PADI2: variants seen among roughly 807,000 people sequenced by gnomAD.
The protein encoded by PADI2 is protein-arginine deiminase type-2.
PADI2 carries 70 observed loss-of-function variants against 81.1 expected under a neutral mutation model. That is an observed-to-expected ratio of 0.86 (90% CI 0.71 to 1.05). The LOEUF (loss-of-function observed/expected upper bound fraction) is 1.05, where lower values mean the gene tolerates loss of function less well. Among genes scored for constraint, PADI2 ranks in the 50% least tolerant of loss-of-function variants. The pLI is 0.00. For synonymous variants in PADI2, 338 were observed against 358.0 expected (o/e 0.94, Z 0.63); for missense variants, 853 against 889.9 (o/e 0.96, Z 0.53).
chr1:17,068,946 G>T lies in PADI2; in HGVS notation c.*98C>A. On this transcript the variant is annotated 3_prime_UTR_variant, in exon 16 of 16. Coordinates refer to ENST00000375486, the MANE Select transcript of PADI2 (RefSeq NM_007365.3). ...CACCCCACGTCCCAAAGGTCTCCCAGCGGGGCTGTCCAGTCCATGTCAGCA... is the reference window on the plus strand; with the variant it reads ...CACCCCACGTCCCAAAGGTCTCCCATCGGGGCTGTCCAGTCCATGTCAGCA... 1 of 941,288 alleles carries T rather than the reference G, an allele frequency of 1.1e-6. No individual in the cohort carries two copies. Among genetic ancestry groups the T allele is most frequent in the Non-Finnish European group, 1.7e-6 (1 of 582,398 alleles). The allele number at this position is 941,288 out of a possible 1,614,324, so 58.3% of individuals were successfully genotyped here.
At chr1:17,107,120 G>T (rs1931408680) in intron 1 of PADI2, among the ~76,000 whole-genome samples, 1 of 152,140 alleles carries the variant, frequency 6.6e-6, no homozygotes, top group African/African-American at 2.4e-5. Context: ...GGCCCAAGAG[G>T]GCTCAGAGGG....
At chr1:17,089,004 C>A (rs1192258376) in intron 6 of PADI2, among the ~76,000 whole-genome samples, 1 of 150,830 alleles carries the variant, frequency 6.6e-6, no homozygotes, top group East Asian at 1.9e-4. Flanking sequence ...GATAATGATA[C>A]CCACGCCACA....
At chr1:17,107,706 G>A (rs990077918) in intron 1 of PADI2, among the ~76,000 whole-genome samples, 3 of 152,218 alleles carry the variant, frequency 2.0e-5, no homozygotes, top group African/African-American at 7.2e-5. Flanking sequence ...GGCAGTGTCT[G>A]TCTGACCTGG....
At chr1:17,078,401 G>A (rs1423101033) in intron 11 of PADI2, among the ~76,000 whole-genome samples, 3 of 151,168 alleles carry the variant, frequency 2.0e-5, no homozygotes, top group Admixed American at 6.6e-5. Flanking sequence ...GTGAGCCACC[G>A]CACCAGGCCT....
intron 2 of PADI2, among the ~76,000 whole-genome samples, chr1:17,103,439 TG>T (rs1931225468): frequency 6.6e-6 from 1 of 152,146 alleles, no homozygotes; most frequent in Non-Finnish European, 1.5e-5. Context: ...ATGGGGCACA[TG>T]GTAAAGTTCA....
chr1:17,093,611 A>G lies in PADI2; in HGVS notation c.485T>C (p.Leu162Ser), dbSNP rs1930788926. The change falls in exon 5 of 16, where the codon TTG becomes TCG. Residue 162 changes from leucine to serine, a missense_variant. Leu to Ser is a moderately radical substitution (Grantham distance 145, BLOSUM62 -2). Coordinates refer to ENST00000375486, the MANE Select transcript of PADI2 (RefSeq NM_007365.3). ...CTCATCACGGCAGTCCTCCTTGGGCAACCAGGGTGTCTCTCGGTCACAGTT... is the reference window on the plus strand; with the variant it reads ...CTCATCACGGCAGTCCTCCTTGGGCGACCAGGGTGTCTCTCGGTCACAGTT... ...LVNCDRETPW[L>S]PKEDCRDEKV... 6.2e-7 allele frequency: 1 copy of G among 1,613,838 alleles called. No homozygotes were observed. Among genetic ancestry groups the G allele is most frequent in the South Asian group, 1.1e-5 (1 of 91,052 alleles).
chr1:17,100,466 G>T (rs1450469268), intron 3 of PADI2, among the ~76,000 whole-genome samples: 1 of 151,372 alleles, frequency 6.6e-6, no homozygotes, highest in Non-Finnish European at 1.5e-5. Context: ...TATATTTTTA[G>T]TAGAGACAGG....
rs2076598 is a variant in PADI2 at position 17,069,026 on chromosome 1, G to A, written c.*18C>T. 0.58 allele frequency: 917,835 copies of A among 1,588,350 alleles called. 269,022 individuals are homozygous for A. Among genetic ancestry groups the A allele is most frequent in the Non-Finnish European group, 0.61 (701,186 of 1,156,690 alleles). ...GGAGAACTAAGCGAAGGAGGCAAAC[G>A]CCAGGGCCCCTGGCAGGTCAGGGCA... On this transcript the variant is annotated 3_prime_UTR_variant, in exon 16 of 16. Transcript: ENST00000375486.
chr1:17,099,838 A>G (rs1931078550), intron 3 of PADI2, among the ~76,000 whole-genome samples: 1 of 152,250 alleles, frequency 6.6e-6, no homozygotes, highest in Non-Finnish European at 1.5e-5. Context: ...CGCATTTTAT[A>G]GATGAGGAAG....
chr1:17,106,685 C>G (rs927599224), intron 1 of PADI2, among the ~76,000 whole-genome samples: 1 of 152,086 alleles, frequency 6.6e-6, no homozygotes, highest in Non-Finnish European at 1.5e-5. Context: ...TCAGGTGATC[C>G]ACCCACCTCA....
chr1:17,086,754 G>A lies in PADI2; in HGVS notation c.656-55C>T, dbSNP rs528251560. 8 of 1,520,260 alleles carry A rather than the reference G, an allele frequency of 5.3e-6. No individual in the cohort carries two copies. The Admixed American group carries it at 5.3e-5, about 10-fold the overall frequency. 94.2% of individuals were successfully genotyped at this position (1,520,260 alleles called of 1,614,324 possible). Reference sequence around the variant, plus strand: ...CCACCCGCATCAGAAAGAGGTCGGTGGGGTGGGATCACCGATGGGGACAAA... The same window carrying A: ...CCACCCGCATCAGAAAGAGGTCGGTAGGGTGGGATCACCGATGGGGACAAA... On this transcript the variant is annotated intron_variant, in intron 6 of 15. Coordinates refer to ENST00000375486, the MANE Select transcript of PADI2 (RefSeq NM_007365.3).
At chr1:17,088,916 A>AG in intron 6 of PADI2, among the ~76,000 whole-genome samples, 1 of 135,158 alleles carries the variant, frequency 7.4e-6, no homozygotes, top group South Asian at 2.9e-4. Flanking sequence ...CAAAAAAAAA[A>AG]AAAAAAAAAA....
At chr1:17,090,581 T>TTTGTG (rs1553182497) in intron 6 of PADI2, among the ~76,000 whole-genome samples, 1 of 142,740 alleles carries the variant, frequency 7.0e-6, no homozygotes, top group Non-Finnish European at 1.5e-5. Context: ...CGTCCTTTGC[T>TTTGTG]TGTGTGTGTG....
chr1:17,108,430 G>A (rs567615177), intron 1 of PADI2, among the ~76,000 whole-genome samples: 61 of 152,102 alleles, frequency 4.0e-4, no homozygotes, highest in African/African-American at 1.2e-3. Context: ...CATAGCTCTC[G>A]TCTCTCACTC....
intron 6 of PADI2, among the ~76,000 whole-genome samples, chr1:17,090,050 G>C (rs913132610): frequency 1.3e-5 from 2 of 152,208 alleles, no homozygotes; most frequent in Non-Finnish European, 2.9e-5. Context: ...GTATAAAGAG[G>C]TAAGGCCCCA....
At chr1:17,096,449 T>C (rs188703652) in intron 3 of PADI2, among the ~76,000 whole-genome samples, 45 of 152,384 alleles carry the variant, frequency 3.0e-4, no homozygotes, top group African/African-American at 7.9e-4. Flanking sequence ...CGCATAGGTG[T>C]GCACATGTGC....
chr1:17,075,000 G>A, intron 12 of PADI2, 51 bp from the exon 13 acceptor site: 1 of 1,184,800 alleles, frequency 8.4e-7, no homozygotes, highest in Non-Finnish European at 1.2e-6. Flanking sequence ...AGGCACCCAA[G>A]GAGCACGGGG....
In PADI2 at chr1:17,086,667, G is replaced by C. The variant is rs765440795; in HGVS notation, c.688C>G (p.Leu230Val). The C allele has an allele frequency of 6.2e-7, 1 of 1,613,962 alleles. No homozygotes were observed. The highest frequency in any genetic ancestry group is 1.3e-5 in the African/African-American group (1 of 74,936). ...PFFGQRYIHI[L>V]GRRKLYHVVK... ...ACATGGTAGAGCTTCCGCCGGCCCA[G>C]GATGTGGATATAGCGTTGGCCGAAG... Residue 230 changes from leucine (L) to valine (V), a missense_variant, in exon 7 of 16, where the codon CTG becomes GTG. Physicochemically the swap from Leu to Val is conservative, Grantham distance 32 (BLOSUM62 1). Transcript: ENST00000375486.
intron 3 of PADI2, among the ~76,000 whole-genome samples, chr1:17,102,753 G>T (rs188474543): frequency 5.4e-4 from 74 of 136,996 alleles, no homozygotes; most frequent in Admixed American, 1.2e-3. Flanking sequence ...TTGACACTTG[G>T]GGGGGGGTTG....
Sources: gnomAD v4.1 joint callset for allele counts (sites outside exome capture counted in the v4.1 genomes callset) on GRCh38, gnomAD v4.1.1 for gene constraint, MANE v1.5 for transcripts, NCBI Gene and HGNC (gene_info 2026-07-23, HGNC 2026-07-21) for gene names.